SPATA6: variants seen among roughly 807,000 people sequenced by gnomAD.
The protein encoded by SPATA6 is spermatogenesis associated 6, also known as spermatogenesis-associated protein 6.
SPATA6 carries 56 observed loss-of-function variants against 65.3 expected under a neutral mutation model. That is an observed-to-expected ratio of 0.86 (90% CI 0.69 to 1.07). SPATA6 has a LOEUF of 1.07. Among genes scored for constraint, SPATA6 ranks in the 50% least tolerant of loss-of-function variants. SPATA6 has a pLI of 0.00. For missense variants in SPATA6, 590 were observed against 594.8 expected, an observed-to-expected ratio of 0.99 and a Z score of 0.08; for synonymous variants, 199 against 213.2, an observed-to-expected ratio of 0.93 and a Z score of 0.58.
At chr1:48,417,502 A>C (rs1570507722) in intron 3 of SPATA6, among the ~76,000 whole-genome samples, 1 of 152,222 alleles carries the variant, frequency 6.6e-6, no homozygotes, top group East Asian at 1.9e-4. Context: ...CAATTCAAAC[A>C]CAAGACTATT....
intron 8 of SPATA6, among the ~76,000 whole-genome samples, chr1:48,391,978 A>G (rs1461422125): frequency 6.6e-6 from 1 of 152,106 alleles, no homozygotes; most frequent in Non-Finnish European, 1.5e-5. Context: ...TTCTTCATCC[A>G]TAAGAAATTC....
Position 48,399,432 on chromosome 1 carries a change from G to A in SPATA6, c.699C>T (p.Thr233=). 6.2e-7 allele frequency: 1 copy of A among 1,613,242 alleles called. No individual in the cohort carries two copies. The highest frequency in any genetic ancestry group is 8.5e-7 in the Non-Finnish European group (1 of 1,179,486). The change falls in exon 7 of 13, where the codon ACC becomes ACT. Residue 233 remains threonine (T), a synonymous_variant. Transcript: ENST00000371847. ...KRRMCELSED[T]RRRLAHLNLG... is the part of the protein sequence containing the mutation. ...GATTTAAATGGGCCAGCCGCCGCCT[G>A]GTGTCTTCAGATAGCTCACACATGC... is the stretch of plus-strand genomic sequence containing the variant.
chr1:48,451,007 C>T (rs1363009897), intron 3 of SPATA6, among the ~76,000 whole-genome samples: 3 of 152,150 alleles, frequency 2.0e-5, no homozygotes, highest in Non-Finnish European at 4.4e-5. Flanking sequence ...GCTGCTCTCA[C>T]AAATAGTTGT....
In SPATA6 at chr1:48,458,367, G is replaced by A. The variant is rs1009090504; in HGVS notation, c.52-5236C>T. On this transcript the variant is annotated intron_variant, in intron 1 of 12. Coordinates refer to ENST00000371847, the MANE Select transcript of SPATA6 (RefSeq NM_019073.4). ...ATAAAAAGAAATAAACTACTATTAC[G>A]TGCTACAACATGGATGAACCTTAAA... Among the ~76,000 whole-genome samples, 17 of 152,162 alleles carry A rather than the reference G, an allele frequency of 1.1e-4. No individual in the cohort carries two copies. In the Middle Eastern group the frequency reaches 0.01, roughly 91 times the overall value.
chr1:48,404,255 A>G (rs1239817103), intron 5 of SPATA6, among the ~76,000 whole-genome samples: 2 of 144,506 alleles, frequency 1.4e-5, no homozygotes, highest in East Asian at 3.8e-4. Context: ...ATATTTAACC[A>G]TATAGTCAAG....
At chr1:48,364,640 GA>G (rs1396710243) in intron 9 of SPATA6, among the ~76,000 whole-genome samples, 5 of 152,134 alleles carry the variant, frequency 3.3e-5, no homozygotes, top group African/African-American at 1.2e-4. Context: ...CCAACTTTTT[GA>G]TGGGGTTGTT....
chr1:48,354,701 G>A (rs58348371), intron 11 of SPATA6, among the ~76,000 whole-genome samples: 2,167 of 151,958 alleles, frequency 0.014, 50 homozygotes, highest in African/African-American at 0.049. Context: ...AGCTCAAAAC[G>A]TGCAATATTA....
intron 3 of SPATA6, among the ~76,000 whole-genome samples, chr1:48,418,913 A>T (rs561445676): frequency 3.3e-5 from 5 of 150,750 alleles, no homozygotes; most frequent in Non-Finnish European, 7.4e-5. Context: ...GAGAAAGAGG[A>T]AAGGGAAAGG....
chr1:48,471,858 G>A lies in SPATA6; in HGVS notation c.51+100C>T, dbSNP rs1890320. On this transcript the variant is annotated intron_variant, in intron 1 of 12. Coordinates refer to ENST00000371847, the MANE Select transcript of SPATA6 (RefSeq NM_019073.4). ...GGTCGACGCTCCCTAGGGATGATTC[G>A]GAGGGTGAAGGAGGTTTGGGGGTGG... 114 of 1,375,034 alleles carry A rather than the reference G, an allele frequency of 8.3e-5. 1 individual carries two copies. In the African/African-American group the frequency reaches 1.3e-3, roughly 16 times the overall value. 85.2% of individuals were successfully genotyped at this position (1,375,034 alleles called of 1,614,324 possible).
chr1:48,282,095 A>G, the SPATA6 span, among the ~76,000 whole-genome samples: 9 of 152,332 alleles, frequency 5.9e-5, no homozygotes, highest in Non-Finnish European at 1.2e-4. Flanking sequence ...AGGATTCCCT[A>G]TTTAATAGAT....
At chr1:48,413,039 T>C in intron 4 of SPATA6, 71 bp downstream of exon 4, 1 of 438,980 alleles carries the variant, frequency 2.3e-6, no homozygotes. Flanking sequence ...GTATAATCAA[T>C]ATATAATATA....
chr1:48,438,019 T>A (rs749894323), intron 3 of SPATA6, among the ~76,000 whole-genome samples: 2 of 151,868 alleles, frequency 1.3e-5, no homozygotes, highest in African/African-American at 2.4e-5. Flanking sequence ...CAGAAGGATG[T>A]GGGCGGGGAC....
At chr1:48,282,882 A>G in the SPATA6 span, among the ~76,000 whole-genome samples, 4 of 152,184 alleles carry the variant, frequency 2.6e-5, no homozygotes, top group Non-Finnish European at 5.9e-5. Context: ...ACACATGCAC[A>G]CATACATTTA....
At position 48,471,811 on chromosome 1, in the gene SPATA6, G is replaced by A. The variant is rs1039716765; in HGVS notation, c.51+147C>T. ...GGAGAGCGCTTCTGAGAACAAGATG[G>A]GGCAGGACCGAAGGGGCGTGAGGTC... On this transcript the variant is annotated intron_variant, in intron 1 of 12. Coordinates refer to ENST00000371847, the MANE Select transcript of SPATA6 (RefSeq NM_019073.4). 18 of 903,536 alleles carry A rather than the reference G, an allele frequency of 2.0e-5. No homozygotes were observed. In the African/African-American group the frequency reaches 2.2e-4, roughly 11 times the overall value. The allele number at this position is 903,536 out of a possible 1,614,324, so 56.0% of individuals were successfully genotyped here.
chr1:48,451,708 A>G, intron 2 of SPATA6, 108 bp from the exon 3 acceptor site: 1 of 1,024,106 alleles, frequency 9.8e-7, no homozygotes, highest in Non-Finnish European at 1.4e-6. Flanking sequence ...TTTTGACATT[A>G]TTGAGAACTG....
At position 48,305,061 on chromosome 1, in the gene SPATA6, T is replaced by C. The variant is rs560251707; in HGVS notation, c.1286+726A>G. 1.8e-4 allele frequency among the ~76,000 whole-genome samples: 27 copies of C among 152,308 alleles called. No homozygotes were observed. In the South Asian group the frequency reaches 3.1e-3, roughly 18 times the overall value. On this transcript the variant is annotated intron_variant, in intron 12 of 12. Transcript: ENST00000371847. ...AGAAAGGAAGTCACACTCCCACTTATAGTCTGTGTAAGGGGCATAAGGAAA... is the reference window on the plus strand; with the variant it reads ...AGAAAGGAAGTCACACTCCCACTTACAGTCTGTGTAAGGGGCATAAGGAAA...
At chr1:48,281,619 A>T in the SPATA6 span, among the ~76,000 whole-genome samples, 1 of 151,444 alleles carries the variant, frequency 6.6e-6, no homozygotes, top group Non-Finnish European at 1.5e-5. Context: ...TAGGAATCCA[A>T]CTTACAAGGG....
chr1:48,276,399 T>C, the SPATA6 span, among the ~76,000 whole-genome samples: 2 of 152,144 alleles, frequency 1.3e-5, no homozygotes, highest in South Asian at 2.1e-4. Flanking sequence ...TTGCTCTTGG[T>C]TCTCTAGTTC....
At chr1:48,359,452 A>C (rs966486800) in intron 10 of SPATA6, 134 bp downstream of exon 10, 32 of 1,020,762 alleles carry the variant, frequency 3.1e-5, no homozygotes, top group Non-Finnish European at 4.3e-5. Flanking sequence ...TATATTCTAA[A>C]CAAAAACAAT....
Sources: allele counts gnomAD v4.1 joint callset (sites outside exome capture counted in the v4.1 genomes callset), GRCh38; gene constraint gnomAD v4.1.1; transcripts MANE v1.5; gene names NCBI Gene and HGNC (gene_info 2026-07-23, HGNC 2026-07-21).